The following RNF44 variants were observed in gnomAD, a reference collection of about 807,000 sequenced individuals.
RNF44 encodes ring finger protein 44.
RNF44 carries 25 observed loss-of-function variants against 53.6 expected under a neutral mutation model. That is an observed-to-expected ratio of 0.47 (90% CI 0.34 to 0.65). The LOEUF (loss-of-function observed/expected upper bound fraction) is 0.65, where lower values mean the gene tolerates loss of function less well. Among genes scored for constraint, RNF44 ranks in the 30% least tolerant of loss-of-function variants. RNF44 has a pLI of 0.01. For missense variants in RNF44, 581 were observed against 595.5 expected (o/e 0.98, Z 0.25); for synonymous variants, 282 against 252.2 (o/e 1.12, Z -1.12).
chr5:176,543,040 C>T, the RNF44 span, among the ~76,000 whole-genome samples: 2 of 151,978 alleles, frequency 1.3e-5, no homozygotes, highest in Non-Finnish European at 2.9e-5. This position sits in a 1 kb window ranked among gnomAD's most constrained non-coding sequence, Gnocchi z 4.0. Flanking sequence ...CCCCGGGGCT[C>T]CCCGAGTTGG....
chr5:176,529,453 T>C lies in RNF44; in HGVS notation c.1137-66A>G, dbSNP rs1463609033. 5 of 1,605,012 alleles carry C rather than the reference T, an allele frequency of 3.1e-6. No individual in the cohort carries two copies. In the Admixed American group the frequency reaches 5.0e-5, roughly 16 times the overall value. Reference sequence around the variant, plus strand: ...ATGGGAAGGCTCAGTGGAGTGTGACTCCCCTGAGAGGGGCGTCCCACGGCA... The same window carrying C: ...ATGGGAAGGCTCAGTGGAGTGTGACCCCCCTGAGAGGGGCGTCCCACGGCA... On this transcript the variant is annotated intron_variant, in intron 9 of 10. Transcript: ENST00000274811.
At position 176,528,844 on chromosome 5, in the gene RNF44, G is replaced by A; in HGVS notation, c.*184C>T. On this transcript the variant is annotated 3_prime_UTR_variant, in exon 11 of 11. Transcript: ENST00000274811. ...GCAGACTAGGGAGGGAGTCTTTGGA[G>A]CTTGGCAAATGCAGGGGCTTATTGC... is the stretch of plus-strand genomic sequence containing the variant. 1 of 624,466 alleles carries A rather than the reference G, an allele frequency of 1.6e-6. No individual in the cohort carries two copies. The highest frequency in any genetic ancestry group is 1.8e-5 in the African/African-American group (1 of 54,200). The allele number at this position is 624,466 out of a possible 1,614,324, so 38.7% of individuals were successfully genotyped here.
At position 176,530,753 on chromosome 5, in the gene RNF44, C is replaced by A. The variant is rs764791440; in HGVS notation, c.640-10G>T. On this transcript the variant is annotated splice_polypyrimidine_tract_variant and intron_variant, in intron 5 of 10. Coordinates refer to ENST00000274811, the MANE Select transcript of RNF44 (RefSeq NM_014901.5). ...CGAGCCGCTGGAGGGGCTGGAAGAA[C>A]CAGCGCCGGGTCAGCAAGTCAGTGA... The A allele has an allele frequency of 9.2e-6, 14 of 1,524,672 alleles. No homozygotes were observed. Among genetic ancestry groups the A allele is most frequent in the South Asian group, 8.7e-5 (7 of 80,128 alleles). The allele number at this position is 1,524,672 out of a possible 1,614,324, so 94.4% of individuals were successfully genotyped here. A position where few individuals can be genotyped will look rare whatever the true frequency, so the allele number is the denominator to read the frequency against.
At chr5:176,538,385 G>A (rs1757359033), upstream of RNF44, among the ~76,000 whole-genome samples, 2 of 152,220 alleles carry the variant, frequency 1.3e-5, no homozygotes, top group Admixed American at 1.3e-4. Flanking sequence ...GAGCAGGAGT[G>A]TGAACCTAAT....
upstream of RNF44, among the ~76,000 whole-genome samples, chr5:176,540,453 C>T (rs1403459247): frequency 6.6e-6 from 1 of 152,236 alleles, no homozygotes; most frequent in East Asian, 1.9e-4. Flanking sequence ...ACTTACTGGG[C>T]AAAATCCTGC....
At position 176,532,011 on chromosome 5, in the gene RNF44, T is replaced by TGCACAGGAG; in HGVS notation, c.289_290insCTCCTGTGC (p.Leu96_His97insProProVal). The TGCACAGGAG allele has an allele frequency of 1.2e-6, 2 of 1,609,880 alleles. No homozygotes were observed. Among genetic ancestry groups the TGCACAGGAG allele is most frequent in the Non-Finnish European group, 1.7e-6 (2 of 1,178,150 alleles). ...GGATGGGGTTCTGCCTACCTGCTCG[T>TGCACAGGAG]GGAGATCAACCATGAACGGGCTCTG... On this transcript the variant is annotated inframe_insertion, in exon 3 of 11. Coordinates refer to ENST00000274811, the MANE Select transcript of RNF44 (RefSeq NM_014901.5).
chr5:176,532,021 C>A lies in RNF44; in HGVS notation c.280G>T (p.Val94Phe). The A allele has an allele frequency of 6.2e-7, 1 of 1,611,192 alleles. No individual in the cohort carries two copies. The highest frequency in any genetic ancestry group is 8.5e-7 in the Non-Finnish European group (1 of 1,178,694). The change falls in exon 3 of 11, where the codon GTT becomes TTT. Residue 94 changes from valine (V) to phenylalanine (F), a missense_variant. Val to Phe is a conservative substitution (Grantham distance 50). Transcript: ENST00000274811. ...HPATQQSPFMVDLHEQVHQGP... is the reference protein window; with the variant it reads ...HPATQQSPFMFDLHEQVHQGP... ...CTGCCTACCTGCTCGTGGAGATCAA[C>A]CATGAACGGGCTCTGCTGGGTGGCT... is the stretch of plus-strand genomic sequence containing the variant.
intron 1 of RNF44, among the ~76,000 whole-genome samples, chr5:176,533,287 A>G (rs1756869514): frequency 6.6e-6 from 1 of 152,214 alleles, no homozygotes; most frequent in Admixed American, 6.5e-5. Context: ...GGGGGCTTCC[A>G]GTCCAAAGCA....
intron 1 of RNF44, among the ~76,000 whole-genome samples, chr5:176,536,695 G>A (rs908305994): frequency 6.6e-6 from 1 of 152,132 alleles, no homozygotes; most frequent in Admixed American, 6.5e-5. Flanking sequence ...GCGGCCGCAG[G>A]GGGAGGGGGG....
At chr5:176,534,694 C>G (rs1757001512) in intron 1 of RNF44, among the ~76,000 whole-genome samples, 1 of 152,238 alleles carries the variant, frequency 6.6e-6, no homozygotes, top group Non-Finnish European at 1.5e-5. Flanking sequence ...GCCCATAGTT[C>G]TGCTGGTGCA....
intron 10 of RNF44, 44 bp from the exon 11 acceptor site, chr5:176,529,134 C>A (rs1457702358): frequency 3.7e-6 from 6 of 1,607,180 alleles, no homozygotes; most frequent in African/African-American, 1.3e-5. Flanking sequence ...CCAGCCCCAA[C>A]CCACCACATC....
chr5:176,533,074 T>G (rs970614614), intron 1 of RNF44, among the ~76,000 whole-genome samples: 1 of 152,178 alleles, frequency 6.6e-6, no homozygotes, highest in African/African-American at 2.4e-5. Flanking sequence ...CACCCTGTCT[T>G]GGAAAGGGGC....
At position 176,530,981 on chromosome 5, in the gene RNF44, T is replaced by G; in HGVS notation, c.506A>C (p.Tyr169Ser). 1 of 1,452,710 alleles carries G rather than the reference T, an allele frequency of 6.9e-7. No individual in the cohort carries two copies. The highest frequency in any genetic ancestry group is 9.0e-7 in the Non-Finnish European group (1 of 1,105,296). 90.0% of individuals were successfully genotyped at this position (1,452,710 alleles called of 1,614,324 possible). The change falls in exon 5 of 11, where the codon TAT becomes TCT. Residue 169 changes from tyrosine to serine, a missense_variant. By Grantham distance (144) the Tyr-to-Ser change is moderately radical (BLOSUM62 -2). Transcript: ENST00000274811. ...ACTMQQLPVP[Y>S]QAYPHLISSD... ...GGAGATGAGGTGGGGGTAGGCCTGA[T>G]AGGGCACAGGCAGCTGCTGCATGGT...
intron 7 of RNF44, 90 bp downstream of exon 7, chr5:176,529,991 TG>T: frequency 6.8e-7 from 1 of 1,460,118 alleles, no homozygotes; most frequent in Non-Finnish European, 9.1e-7. Flanking sequence ...TCAGAGGCCC[TG>T]GGGCCCCTGG....
chr5:176,529,268 G>T lies in RNF44; in HGVS notation c.1236+20C>A. ...GTCACTGCATGAGGAATACCCAGGA[G>T]CAGACCTGGGCAGTGTTACCTTCAA... is the stretch of plus-strand genomic sequence containing the variant. On this transcript the variant is annotated intron_variant, in intron 10 of 10. Coordinates refer to ENST00000274811, the MANE Select transcript of RNF44 (RefSeq NM_014901.5). 1 of 1,601,428 alleles carries T rather than the reference G, an allele frequency of 6.2e-7. No homozygotes were observed. The highest frequency in any genetic ancestry group is 8.6e-7 in the Non-Finnish European group (1 of 1,168,920).
In RNF44 at chr5:176,532,153, C is replaced by A; in HGVS notation, c.148G>T (p.Asp50Tyr). The change falls in exon 3 of 11, where the codon GAT becomes TAT. Residue 50 changes from aspartate (D) to tyrosine (Y), a missense_variant. By Grantham distance (160) the Asp-to-Tyr change is radical. Coordinates refer to ENST00000274811, the MANE Select transcript of RNF44 (RefSeq NM_014901.5). Reference sequence around the variant, plus strand: ...GGCTGCTGGGAGGGTAAGCGCTCATCCCGGGCAGGCGGGCTGGCCAGGGGG... The same window carrying A: ...GGCTGCTGGGAGGGTAAGCGCTCATACCGGGCAGGCGGGCTGGCCAGGGGG... The part of the protein sequence containing the change: ...EGPLASPPAR[D>Y]ERLPSQQPPS... The A allele has an allele frequency of 6.4e-7, 1 of 1,561,570 alleles. No individual in the cohort carries two copies. The highest frequency in any genetic ancestry group is 8.6e-7 in the Non-Finnish European group (1 of 1,156,414).
At chr5:176,537,796 C>T (rs1757325651), upstream of RNF44, 1 of 152,278 alleles carries the variant, frequency 6.6e-6, no homozygotes, top group South Asian at 2.1e-4. Flanking sequence ...TGGGTCTGAC[C>T]TCTGACGGGG....
At position 176,528,763 on chromosome 5, in the gene RNF44, A is replaced by G; in HGVS notation, c.*265T>C. The G allele has an allele frequency of 1.8e-6, 1 of 551,216 alleles. No individual in the cohort carries two copies. Among genetic ancestry groups the G allele is most frequent in the Non-Finnish European group, 3.2e-6 (1 of 310,016 alleles). 34.1% of individuals were successfully genotyped at this position (551,216 alleles called of 1,614,324 possible). ...GAAAAGGAGGGACCTGAGGGTGCACAGGAGGGAGACCCGATCAGGGACACT... is the reference window on the plus strand; with the variant it reads ...GAAAAGGAGGGACCTGAGGGTGCACGGGAGGGAGACCCGATCAGGGACACT... On this transcript the variant is annotated 3_prime_UTR_variant, in exon 11 of 11. Transcript: ENST00000274811.
Position 176,527,183 on chromosome 5 carries a change from AAG to A in RNF44, c.*1843_*1844del, listed in dbSNP as rs1224054615. 1.3e-5 allele frequency: 2 copies of A among 152,404 alleles called. No homozygotes were observed. The highest frequency in any genetic ancestry group is 2.9e-5 in the Non-Finnish European group (2 of 68,030). 9.4% of individuals were successfully genotyped at this position (152,404 alleles called of 1,614,324 possible). A position where few individuals can be genotyped will look rare whatever the true frequency, so the allele number is the denominator to read the frequency against. On this transcript the variant is annotated 3_prime_UTR_variant, in exon 11 of 11. Transcript: ENST00000274811. ...ATGCCTAGGCCAGAAGTTGGTAAAT[AAG>A]AGAGTAAACAATGGCAAGCCCCCAC...
Sources: gnomAD v4.1 joint callset for allele counts (sites outside exome capture counted in the v4.1 genomes callset) on GRCh38, gnomAD v4.1.1 for gene constraint, Gnocchi (gnomAD v3.1) non-coding constraint, MANE v1.5 for transcripts, NCBI Gene and HGNC (gene_info 2026-07-23, HGNC 2026-07-21) for gene names.